Variants in DENND1B observed in about 807,000 individuals in gnomAD.
DENND1B encodes DENN domain-containing protein 1B.
In DENND1B, 59 loss-of-function variants were observed where a neutral mutation model predicts 90.1. The ratio of observed to expected loss-of-function variants is 0.65; its 90% confidence interval spans 0.53 to 0.81. The LOEUF is 0.81. Ranked by LOEUF, DENND1B falls within the 40% of genes least tolerant of loss-of-function variation. The pLI is 0.00. For synonymous variants in DENND1B, 337 were observed against 324.6 expected (o/e 1.04, Z -0.41); for missense variants, 862 against 912.6 (o/e 0.94, Z 0.71).
At chr1:197,655,848 A>G (rs904586014) in intron 6 of DENND1B, among the ~76,000 whole-genome samples, 3 of 152,122 alleles carry the variant, frequency 2.0e-5, no homozygotes, top group Admixed American at 2.0e-4. Context: ...CTCTTAAAAG[A>G]TAAGTGTTCT....
intron 2 of DENND1B, among the ~76,000 whole-genome samples, chr1:197,727,286 A>G (rs1413423246): frequency 1.3e-5 from 2 of 152,182 alleles, no homozygotes; most frequent in African/African-American, 2.4e-5. Flanking sequence ...CTGTAATCCC[A>G]GCACTTTGGG....
Position 197,735,775 on chromosome 1 carries a change from G to A in DENND1B, c.83-20701C>T, listed in dbSNP as rs751531339. The A allele has an allele frequency of 2.5e-6, 4 of 1,611,334 alleles. No homozygotes were observed. In the East Asian group the frequency reaches 6.7e-5, roughly 27 times the overall value. On this transcript the variant is annotated intron_variant, in intron 2 of 22. Transcript: ENST00000620048. ...GCGTACTTTTCCAGGGGGAATCCTC[G>A]GCAGATAAGCTGGACTGTCCTCTAC...
chr1:197,635,429 C>T (rs1161389908), intron 10 of DENND1B, among the ~76,000 whole-genome samples: 1 of 152,076 alleles, frequency 6.6e-6, no homozygotes, highest in Admixed American at 6.6e-5. Context: ...TACTAAACTC[C>T]TGGCTCAAGC....
In DENND1B at chr1:197,505,474, A is replaced by G. The variant is rs1667687027; in HGVS notation, c.*4986T>C. 1.3e-5 allele frequency: 2 copies of G among 151,688 alleles called. No individual in the cohort carries two copies. Among genetic ancestry groups the G allele is most frequent in the South Asian group, 4.1e-4 (2 of 4,828 alleles). 9.4% of individuals were successfully genotyped at this position (151,688 alleles called of 1,614,324 possible). On this transcript the variant is annotated 3_prime_UTR_variant, in exon 23 of 23. Transcript: ENST00000620048. The stretch of plus-strand genomic sequence containing the variant: ...ACTTTCCAATATTTTAAAATAAAAG[A>G]TTGAATAACTTTACTTCATTCAACT...
chr1:197,686,543 C>T (rs1053645838), intron 3 of DENND1B, among the ~76,000 whole-genome samples: 4 of 152,124 alleles, frequency 2.6e-5, no homozygotes, highest in Non-Finnish European at 2.9e-5. Context: ...AACTTTTCTA[C>T]AATGTGTGAC....
chr1:197,780,870 C>T, the DENND1B span, among the ~76,000 whole-genome samples: 219 of 152,210 alleles, frequency 1.4e-3, 2 homozygotes, highest in Non-Finnish European at 2.2e-3. Context: ...AAGTCCCCAA[C>T]TTATATATCC....
intron 20 of DENND1B, among the ~76,000 whole-genome samples, chr1:197,528,989 G>A (rs1038279089): frequency 3.3e-5 from 5 of 151,774 alleles, no homozygotes; most frequent in Non-Finnish European, 7.4e-5. Context: ...TCTAATAGTA[G>A]AAATTATGAC....
At chr1:197,753,720 G>A (rs1653872771) in intron 2 of DENND1B, among the ~76,000 whole-genome samples, 1 of 152,070 alleles carries the variant, frequency 6.6e-6, no homozygotes, top group South Asian at 2.1e-4. Flanking sequence ...AAAGTCGATG[G>A]CCACGCGCGG....
intron 20 of DENND1B, among the ~76,000 whole-genome samples, chr1:197,534,696 T>C (rs889042474): frequency 3.3e-5 from 5 of 152,220 alleles, no homozygotes. Flanking sequence ...CTTTGTAAGA[T>C]ATTAAAGTAT....
the DENND1B span, among the ~76,000 whole-genome samples, chr1:197,781,769 G>C: frequency 1.3e-5 from 2 of 152,118 alleles, no homozygotes; most frequent in Admixed American, 1.3e-4. Flanking sequence ...CCAGTTTGTG[G>C]ACAAAAGAAC....
intron 2 of DENND1B, among the ~76,000 whole-genome samples, chr1:197,716,401 T>C (rs538011692): frequency 2.4e-4 from 37 of 151,780 alleles, no homozygotes; most frequent in Non-Finnish European, 4.0e-4. Flanking sequence ...TTTATGAAGG[T>C]AATATTAAAT....
intron 2 of DENND1B, among the ~76,000 whole-genome samples, chr1:197,725,968 T>C (rs1312487648): frequency 6.6e-6 from 1 of 152,124 alleles, no homozygotes; most frequent in Non-Finnish European, 1.5e-5. Context: ...ATCATTCATA[T>C]ATATATGAAT....
chr1:197,645,258 A>T, intron 9 of DENND1B, among the ~76,000 whole-genome samples: 1 of 152,184 alleles, frequency 6.6e-6, no homozygotes, highest in African/African-American at 2.4e-5. Context: ...ATATACAAGG[A>T]ATATAAAATA....
chr1:197,545,732 A>G (rs1670764573), intron 18 of DENND1B, 190 bp downstream of exon 18: 9 of 510,784 alleles, frequency 1.8e-5, no homozygotes, highest in African/African-American at 2.0e-5. Context: ...AGATTATATA[A>G]AAGAAACTAC....
At chr1:197,707,778 G>A (rs940366847) in intron 3 of DENND1B, among the ~76,000 whole-genome samples, 5 of 148,684 alleles carry the variant, frequency 3.4e-5, no homozygotes, top group East Asian at 2.0e-4. Context: ...CGTGAGCGAC[G>A]CAGAAGACGG....
At chr1:197,645,059 T>C (rs924054324) in intron 9 of DENND1B, among the ~76,000 whole-genome samples, 1 of 152,106 alleles carries the variant, frequency 6.6e-6, no homozygotes, top group Non-Finnish European at 1.5e-5. Flanking sequence ...TTCTACAAAA[T>C]ACTAATGTGT....
intron 2 of DENND1B, among the ~76,000 whole-genome samples, chr1:197,715,415 C>T (rs1660549735): frequency 6.6e-6 from 1 of 151,878 alleles, no homozygotes; most frequent in African/African-American, 2.4e-5. Context: ...TTTAACTACA[C>T]TTTTAAAATA....
upstream of DENND1B, among the ~76,000 whole-genome samples, chr1:197,779,718 T>C (rs1305857605): frequency 6.6e-6 from 1 of 151,640 alleles, no homozygotes; most frequent in African/African-American, 2.4e-5. Flanking sequence ...TTGGTTATTT[T>C]CCAAATCTGT....
intron 18 of DENND1B, among the ~76,000 whole-genome samples, chr1:197,545,133 A>G (rs1462498555): frequency 6.6e-6 from 1 of 151,894 alleles, no homozygotes; most frequent in African/African-American, 2.4e-5. Context: ...GGCTGGGCGC[A>G]GTGGCTCACA....
Sources: gnomAD v4.1 joint callset for allele counts (sites outside exome capture counted in the v4.1 genomes callset) on GRCh38, gnomAD v4.1.1 for gene constraint, MANE v1.5 for transcripts, NCBI Gene and HGNC (gene_info 2026-07-23, HGNC 2026-07-21) for gene names.